The following LRRC4B variants were observed in gnomAD, a reference collection of about 807,000 sequenced individuals.
The protein encoded by LRRC4B is leucine rich repeat containing 4B.
LRRC4B carries 1 observed loss-of-function variant against 7.3 expected under a neutral mutation model. That is an observed-to-expected ratio of 0.14 (90% CI 0.05 to 0.65). The LOEUF is 0.65. Ranked by LOEUF, LRRC4B falls within the 30% of genes least tolerant of loss-of-function variation. The pLI, the probability that LRRC4B is intolerant of heterozygous loss-of-function variation, is 0.84. For missense variants in LRRC4B, 730 were observed against 1,041.6 expected, an observed-to-expected ratio of 0.70 and a Z score of 4.12; for synonymous variants, 500 against 499.2, an observed-to-expected ratio of 1.00 and a Z score of -0.02.
At chr19:50,532,608 C>G (rs1237975427) in intron 2 of LRRC4B, among the ~76,000 whole-genome samples, 1 of 152,200 alleles carries the variant, frequency 6.6e-6, no homozygotes, top group Non-Finnish European at 1.5e-5. Flanking sequence ...TTGGAAAAGC[C>G]CTTTTTGACC....
At position 50,529,417 on chromosome 19, in the gene LRRC4B, TTAA is replaced by T. The variant is rs201992666; in HGVS notation, c.298-10005_298-10003del. Among the ~76,000 whole-genome samples, 55 of 152,250 alleles carry T rather than the reference TTAA, an allele frequency of 3.6e-4. No homozygotes were observed. In the East Asian group the frequency reaches 9.8e-3, roughly 27 times the overall value. ...AGCAGGCACTCGGTTGCTATTTCTA[TTAA>T]TAATAATAACATCAATAATAGTAAC... On this transcript the variant is annotated intron_variant, in intron 2 of 2. Coordinates refer to ENST00000652263, the MANE Select transcript of LRRC4B (RefSeq NM_001080457.2).
At chr19:50,535,013 C>T (rs11880066) in intron 2 of LRRC4B, among the ~76,000 whole-genome samples, 77,903 of 135,358 alleles carry the variant, frequency 0.58, 23,798 homozygotes, top group African/African-American at 0.87. Flanking sequence ...GGATTACAGG[C>T]GCCTGCCACC....
rs2122755282 is a variant in LRRC4B at position 50,518,067 on chromosome 19, G to A, written c.1646C>T (p.Thr549Met). The A allele has an allele frequency of 1.3e-6, 2 of 1,588,868 alleles. No individual in the cohort carries two copies. Among genetic ancestry groups the A allele is most frequent in the Non-Finnish European group, 1.7e-6 (2 of 1,170,344 alleles). Residue 549 changes from threonine (T) to methionine (M), a missense_variant, in exon 3 of 3, where the codon ACG (threonine) becomes ATG (methionine). By Grantham distance (81) the Thr-to-Met change is moderately conservative. Transcript: ENST00000652263. Reference protein sequence around the residue: ...TAPAPRSSRPTEKAFTVPITD... With the variant: ...TAPAPRSSRPMEKAFTVPITD... ...GATGGGCACCGTGAACGCCTTCTCC[G>A]TGGGCCGCGAGGAGCGCGGGGCGGG...
chr19:50,555,357 G>A lies in LRRC4B; in HGVS notation c.-35-6484C>T, dbSNP rs1349555165. 6.6e-6 allele frequency: 1 copy of A among 152,454 alleles called. No homozygotes were observed. Among genetic ancestry groups the A allele is most frequent in the East Asian group, 1.9e-4 (1 of 5,202 alleles). The allele number at this position is 152,454 out of a possible 1,614,324, so 9.4% of individuals were successfully genotyped here. A position where few individuals can be genotyped will look rare whatever the true frequency, so the allele number is the denominator to read the frequency against. ...TCCCACCGCAGCTGCCCCGGGAGAG[G>A]ACCCATCACAAGGGTACACCTGTTC... On this transcript the variant is annotated intron_variant, in intron 1 of 2. Transcript: ENST00000652263. This position sits in a 1 kb window ranked among gnomAD's most constrained non-coding sequence, Gnocchi z 5.2.
At chr19:50,538,342 C>T (rs1261756799) in intron 2 of LRRC4B, among the ~76,000 whole-genome samples, 2 of 151,458 alleles carry the variant, frequency 1.3e-5, no homozygotes, top group East Asian at 2.0e-4. Flanking sequence ...GGATTACAGG[C>T]GCGAGCCACC....
chr19:50,554,598 C>A (rs2122915250), intron 1 of LRRC4B, among the ~76,000 whole-genome samples: 1 of 152,332 alleles, frequency 6.6e-6, no homozygotes, highest in East Asian at 1.9e-4. Context: ...TGCTGGCTAA[C>A]CTCATCTCTT....
At chr19:50,552,688 C>CCATCCATCCATCCATT in intron 1 of LRRC4B, among the ~76,000 whole-genome samples, 2 of 151,042 alleles carry the variant, frequency 1.3e-5, no homozygotes, top group African/African-American at 4.9e-5. Context: ...ATCCATCCAT[C>CCATCCATCCATCCATT]CGTCCATCCA....
Position 50,517,872 on chromosome 19 carries a change from G to A in LRRC4B, c.1841C>T (p.Thr614Ile). The A allele has an allele frequency of 6.3e-7, 1 of 1,595,752 alleles. No homozygotes were observed. Among genetic ancestry groups the A allele is most frequent in the Admixed American group, 1.8e-5 (1 of 55,592 alleles). The change falls in exon 3 of 3, where the codon ACC becomes ATC. Residue 614 changes from threonine (T) to isoleucine (I), a missense_variant. By Grantham distance (89) the Thr-to-Ile change is moderately conservative (BLOSUM62 -1). Transcript: ENST00000652263. The surrounding 1 kb of genome is among the most constrained non-coding windows in gnomAD (Gnocchi z 6.6). Reference protein sequence around the residue: ...QLHKHHGPTRTVEIINVEDEL... With the variant: ...QLHKHHGPTRIVEIINVEDEL... Reference sequence around the variant, plus strand: ...GTCCTCCACGTTGATGATCTCCACGGTGCGCGTGGGCCCGTGGTGCTTGTG... The same window carrying A: ...GTCCTCCACGTTGATGATCTCCACGATGCGCGTGGGCCCGTGGTGCTTGTG...
intron 2 of LRRC4B, among the ~76,000 whole-genome samples, chr19:50,542,916 A>G (rs530984368): frequency 3.3e-5 from 5 of 152,178 alleles, no homozygotes; most frequent in African/African-American, 1.2e-4. Context: ...CAGCACCGTC[A>G]CCCCGTGGAC....
intron 1 of LRRC4B, among the ~76,000 whole-genome samples, chr19:50,567,142 T>A (rs928165817): frequency 1.7e-4 from 21 of 122,710 alleles, no homozygotes; most frequent in Admixed American, 4.1e-4. Flanking sequence ...GGGGCGGGGG[T>A]CTCCAGGAGG....
intron 1 of LRRC4B, among the ~76,000 whole-genome samples, chr19:50,554,943 G>A (rs1477048728): frequency 2.6e-5 from 4 of 152,212 alleles, no homozygotes; most frequent in Non-Finnish European, 5.9e-5. Flanking sequence ...GGCTGCCTGT[G>A]TGTGGGGGGC....
Position 50,534,813 on chromosome 19 carries a change from A to C in LRRC4B, c.297+13729T>G, listed in dbSNP as rs1981193021. Among the ~76,000 whole-genome samples the C allele has an allele frequency of 2.0e-5, 3 of 152,362 alleles. No homozygotes were observed. In the South Asian group the frequency reaches 6.2e-4, roughly 32 times the overall value. The stretch of plus-strand genomic sequence containing the variant: ...TGAAGAAATTCCTTATTAAAAATGT[A>C]ACTGTGGTAAGAAAACAATTAAGTG... On this transcript the variant is annotated intron_variant, in intron 2 of 2. Transcript: ENST00000652263.
At chr19:50,558,248 T>TAC (rs1288892543) in intron 1 of LRRC4B, among the ~76,000 whole-genome samples, 2 of 149,444 alleles carry the variant, frequency 1.3e-5, no homozygotes, top group African/African-American at 4.9e-5. Context: ...CATACATACA[T>TAC]ACACACACAC....
At chr19:50,520,700 G>A (rs1015226684) in intron 2 of LRRC4B, among the ~76,000 whole-genome samples, 5 of 152,150 alleles carry the variant, frequency 3.3e-5, no homozygotes, top group Non-Finnish European at 7.4e-5. Flanking sequence ...ACTTTGGGAG[G>A]CCAAGGTGAG....
intron 2 of LRRC4B, among the ~76,000 whole-genome samples, chr19:50,531,758 G>A (rs1202399424): frequency 2.6e-5 from 4 of 152,096 alleles, no homozygotes; most frequent in Non-Finnish European, 2.9e-5. Flanking sequence ...TGGTGGCCTC[G>A]GGCAAGTGTC....
rs2122933984 is a variant in LRRC4B, at chr19:50,563,571, C to A, written c.-36+4373G>T. On this transcript the variant is annotated intron_variant, in intron 1 of 2. Transcript: ENST00000652263. The surrounding 1 kb of genome is among the most constrained non-coding windows in gnomAD (Gnocchi z 4.9). ...CAGAAACAGCGTCCGCATCCCAGGT[C>A]CTCTAAGGCAGCCCCTGCTCTCCAC... Among the ~76,000 whole-genome samples, 1 of 152,194 alleles carries A rather than the reference C, an allele frequency of 6.6e-6. No homozygotes were observed. The highest frequency in any genetic ancestry group is 2.1e-4 in the South Asian group (1 of 4,814).
rs1421557874 is a variant in LRRC4B at position 50,558,214 on chromosome 19, CACACACACACACAT to C, written c.-35-9355_-35-9342del. On this transcript the variant is annotated intron_variant, in intron 1 of 2. Coordinates refer to ENST00000652263, the MANE Select transcript of LRRC4B (RefSeq NM_001080457.2). ...AACTGTATACATACACACACACACACACACACACACACATACACACACACATACATACATACACA... is the reference window on the plus strand; with the variant it reads ...AACTGTATACATACACACACACACACACACACACACATACATACATACACA... Among the ~76,000 whole-genome samples the C allele has an allele frequency of 4.7e-3, 716 of 151,390 alleles. 6 individuals are homozygous for C. The highest frequency in any genetic ancestry group is 0.016 in the African/African-American group (681 of 41,278).
rs3058937 is a variant in LRRC4B, at chr19:50,553,991, C to CTTT, written c.-35-5121_-35-5119dup. On this transcript the variant is annotated intron_variant, in intron 1 of 2. Transcript: ENST00000652263. The surrounding 1 kb of genome is among the most constrained non-coding windows in gnomAD (Gnocchi z 4.2). ...GGAGGCCTGCTGGCAGAGGCAGCAC[C>CTTT]TTTTTTTTTTTTTTTTTTTTGAGAC... Among the ~76,000 whole-genome samples the CTTT allele has an allele frequency of 0.012, 1,297 of 111,740 alleles. 52 individuals carry two copies. Among genetic ancestry groups the CTTT allele is most frequent in the African/African-American group, 0.024 (681 of 28,224 alleles). 73.3% of individuals were successfully genotyped at this position (111,740 alleles called of 152,430 possible). A position where few individuals can be genotyped will look rare whatever the true frequency, so the allele number is the denominator to read the frequency against.
In LRRC4B at chr19:50,537,552, G is replaced by A. The variant is rs543296636; in HGVS notation, c.297+10990C>T. 6.6e-6 allele frequency among the ~76,000 whole-genome samples: 1 copy of A among 152,264 alleles called. No homozygotes were observed. Among genetic ancestry groups the A allele is most frequent in the South Asian group, 2.1e-4 (1 of 4,822 alleles). ...CGCAGGCTGCTCAACAGAGATGTGG[G>A]ACTGATACTCCCACCCAGCAGCCTG... On this transcript the variant is annotated intron_variant, in intron 2 of 2. Transcript: ENST00000652263. The surrounding 1 kb of genome is among the most constrained non-coding windows in gnomAD (Gnocchi z 5.5).
Sources: allele counts gnomAD v4.1 joint callset (sites outside exome capture counted in the v4.1 genomes callset), GRCh38; gene constraint gnomAD v4.1.1; non-coding constraint Gnocchi (gnomAD v3.1); transcripts MANE v1.5; gene names NCBI Gene and HGNC (gene_info 2026-07-23, HGNC 2026-07-21).